The following KARS1 variants were observed in gnomAD, a reference collection of about 807,000 sequenced individuals.
KARS1 encodes the protein lysyl-tRNA synthetase 1, also known as lysine--tRNA ligase.
In KARS1, 50 loss-of-function variants were observed where a neutral mutation model predicts 63.9. The ratio of observed to expected loss-of-function variants is 0.78; its 90% confidence interval spans 0.62 to 0.99. The LOEUF is 0.99. Among genes scored for constraint, KARS1 ranks in the 50% least tolerant of loss-of-function variants. The pLI is 0.00. For synonymous variants in KARS1, 320 were observed against 264.6 expected (o/e 1.21, Z -2.03); for missense variants, 816 against 754.5 (o/e 1.08, Z -0.95).
intron 7 of KARS1, among the ~76,000 whole-genome samples, chr16:75,632,615 G>T (rs1453665793): frequency 6.6e-6 from 1 of 152,214 alleles, no homozygotes; most frequent in Non-Finnish European, 1.5e-5. Context: ...TGTGCCTAGT[G>T]CCAGGATTAT....
intron 5 of KARS1, 24 bp downstream of exon 5, chr16:75,635,888 A>G: frequency 1.2e-6 from 2 of 1,613,748 alleles, no homozygotes; most frequent in South Asian, 1.1e-5. Context: ...AGGAGGCCAC[A>G]GCTAGGAGGC....
At chr16:75,645,445 C>A (rs769739308) in intron 1 of KARS1, among the ~76,000 whole-genome samples, 1 of 152,176 alleles carries the variant, frequency 6.6e-6, no homozygotes, top group African/African-American at 2.4e-5. Context: ...GACAATAACT[C>A]CTCTTGCAAG....
Position 75,631,162 on chromosome 16 carries a change from T to C in KARS1, c.1338+6A>G. ...GGACATGTACAAGAAGGCAGGGCCTTCTCACCTTGTCAAGGAGCCTGGCTG... is the reference window on the plus strand; with the variant it reads ...GGACATGTACAAGAAGGCAGGGCCTCCTCACCTTGTCAAGGAGCCTGGCTG... On this transcript the variant is annotated splice_donor_region_variant and intron_variant, in intron 10 of 13. Coordinates refer to ENST00000302445, the MANE Select transcript of KARS1 (RefSeq NM_005548.3). 6.2e-7 allele frequency: 1 copy of C among 1,611,936 alleles called. No homozygotes were observed. Among genetic ancestry groups the C allele is most frequent in the Non-Finnish European group, 8.5e-7 (1 of 1,178,316 alleles).
Position 75,636,116 on chromosome 16 carries a change from GT to G in KARS1, c.483-19del. ...TATAATTTCTGAGTGAAAAAGAAAT[GT>G]AATTCAGTAACAACAATTCAAATGA... On this transcript the variant is annotated intron_variant, in intron 4 of 13. Transcript: ENST00000302445. 1 of 1,430,242 alleles carries G rather than the reference GT, an allele frequency of 7.0e-7. No homozygotes were observed. The highest frequency in any genetic ancestry group is 1.8e-4 in the Middle Eastern group (1 of 5,712). 88.6% of individuals were successfully genotyped at this position (1,430,242 alleles called of 1,614,324 possible).
intron 3 of KARS1, among the ~76,000 whole-genome samples, chr16:75,639,591 A>AT (rs1388456360): frequency 4.6e-5 from 7 of 151,448 alleles, no homozygotes; most frequent in African/African-American, 1.7e-4. Flanking sequence ...AAAAAAAAAA[A>AT]AGATTTTAGT....
Position 75,635,959 on chromosome 16 carries a change from GAGACA to G in KARS1, c.617_621del (p.Leu206ProfsTer31), listed in dbSNP as rs761020489. The G allele has an allele frequency of 6.2e-7, 1 of 1,614,168 alleles. No individual in the cohort carries two copies. Among genetic ancestry groups the G allele is most frequent in the East Asian group, 2.2e-5 (1 of 44,874 alleles). On this transcript the variant is annotated frameshift_variant, in exon 5 of 14. Transcript: ENST00000302445. LOFTEE classifies it high-confidence loss of function. The stretch of plus-strand genomic sequence containing the variant: ...AGATGAGGTAACATATGCAAACAGG[GAGACA>G]GCAGTGTGATCTCATACGGAATGAT...
intron 7 of KARS1, among the ~76,000 whole-genome samples, chr16:75,633,204 C>G (rs371624507): frequency 6.6e-6 from 1 of 152,182 alleles, no homozygotes; most frequent in Non-Finnish European, 1.5e-5. Context: ...TGCTCAGGGT[C>G]GGCCGCAATG....
chr16:75,635,720 G>A lies in KARS1; in HGVS notation c.755C>T (p.Thr252Ile). ...QKFIIRSKII[T>I]YIRSFLDELG... ...CTCATCTAAGAAACTTCTTATATAT[G>A]TGATGATCTTAGAGCGGATGATAAA... Residue 252 changes from threonine to isoleucine, a missense_variant, in exon 6 of 14, where the codon ACA becomes ATA. Coordinates refer to ENST00000302445, the MANE Select transcript of KARS1 (RefSeq NM_005548.3). 1.9e-6 allele frequency: 3 copies of A among 1,614,078 alleles called. No homozygotes were observed. The highest frequency in any genetic ancestry group is 2.5e-6 in the Non-Finnish European group (3 of 1,179,918).
At chr16:75,628,788 T>G in intron 12 of KARS1, 76 bp from the exon 13 acceptor site, 3 of 1,507,868 alleles carry the variant, frequency 2.0e-6, no homozygotes, top group Non-Finnish European at 2.8e-6. Context: ...GTTACCAGGC[T>G]CCGAGGTGGG....
Position 75,627,763 on chromosome 16 carries a change from T to C in KARS1, c.*132A>G. ...GATTAAAAAGAAATTTTTAATTCCTTGTCTCTCTTCTGATGGCTGAACAGA... is the reference window on the plus strand; with the variant it reads ...GATTAAAAAGAAATTTTTAATTCCTCGTCTCTCTTCTGATGGCTGAACAGA... On this transcript the variant is annotated 3_prime_UTR_variant, in exon 14 of 14. Transcript: ENST00000302445. 1.4e-6 allele frequency: 1 copy of C among 719,350 alleles called. No homozygotes were observed. The highest frequency in any genetic ancestry group is 1.5e-5 in the South Asian group (1 of 68,554). The allele number at this position is 719,350 out of a possible 1,614,324, so 44.6% of individuals were successfully genotyped here.
chr16:75,629,487 TTTC>T lies in KARS1; in HGVS notation c.1476_1478del (p.Lys493del). ...GCTCAGTATACGCATTGCATATCTC[TTTC>T]TTCATGACAAACAGCTCAAAGCGCT... On this transcript the variant is annotated inframe_deletion, in exon 12 of 14. Coordinates refer to ENST00000302445, the MANE Select transcript of KARS1 (RefSeq NM_005548.3). 6.2e-7 allele frequency: 1 copy of T among 1,614,224 alleles called. No homozygotes were observed. Among genetic ancestry groups the T allele is most frequent in the African/African-American group, 1.3e-5 (1 of 75,072 alleles).
chr16:75,641,382 G>T (rs1236756148), intron 2 of KARS1, among the ~76,000 whole-genome samples, 182 bp downstream of exon 2: 2 of 152,108 alleles, frequency 1.3e-5, no homozygotes, highest in Non-Finnish European at 2.9e-5. Context: ...CCTTTTGGGG[G>T]TTGACATAAA....
intron 3 of KARS1, 65 bp downstream of exon 3, chr16:75,640,119 G>T: frequency 1.4e-6 from 2 of 1,388,276 alleles, no homozygotes. Flanking sequence ...ACCTTCCCTT[G>T]TGCTACTGAA....
chr16:75,635,767 C>G lies in KARS1; in HGVS notation c.708G>C (p.Leu236=), dbSNP rs876657479. 1.8e-5 allele frequency: 29 copies of G among 1,614,024 alleles called. No homozygotes were observed. Among genetic ancestry groups the G allele is most frequent in the Non-Finnish European group, 2.4e-5 (28 of 1,180,012 alleles). ...TAAATTTCTGCCTCACAAAGTCATTCAGGATCAAGTCCAAGTATCTCTGGC... is the reference window on the plus strand; with the variant it reads ...TAAATTTCTGCCTCACAAAGTCATTGAGGATCAAGTCCAAGTATCTCTGGC... ...RYRQRYLDLI[L]NDFVRQKFII... is the part of the protein sequence containing the mutation. The change falls in exon 6 of 14, where the codon CTG becomes CTC. Residue 236 remains leucine (L), a synonymous_variant. Transcript: ENST00000302445.
intron 11 of KARS1, 27 bp downstream of exon 11, chr16:75,630,396 T>C: frequency 7.2e-7 from 1 of 1,393,836 alleles, no homozygotes; most frequent in Middle Eastern, 1.8e-4. Flanking sequence ...GGGGCTGTTA[T>C]GCAGCAATAG....
chr16:75,628,419 C>T (rs528801591), intron 13 of KARS1, 150 bp downstream of exon 13: 31 of 860,928 alleles, frequency 3.6e-5, no homozygotes, highest in South Asian at 2.2e-4. Context: ...GAGGCTCTGG[C>T]CCTCCTGTGA....
intron 1 of KARS1, chr16:75,647,375 C>G: frequency 1.5e-6 from 1 of 650,878 alleles, no homozygotes; most frequent in Non-Finnish European, 2.8e-6. Flanking sequence ...CCCGCCGGTG[C>G]CAGCTGGGAA....
Position 75,627,828 on chromosome 16 carries a change from T to C in KARS1, c.*67A>G. The C allele has an allele frequency of 1.1e-6, 1 of 893,368 alleles. No homozygotes were observed. 55.3% of individuals were successfully genotyped at this position (893,368 alleles called of 1,614,324 possible). A position where few individuals can be genotyped will look rare whatever the true frequency, so the allele number is the denominator to read the frequency against. ...TGGAAAGCAGCACACAAGAATTCCC[T>C]TGCAGACCTTGATCTTTCGCAGAAA... On this transcript the variant is annotated 3_prime_UTR_variant, in exon 14 of 14. Transcript: ENST00000302445.
intron 12 of KARS1, 149 bp downstream of exon 12, chr16:75,629,266 C>T (rs1178738278): frequency 3.3e-6 from 3 of 910,276 alleles, no homozygotes; most frequent in Admixed American, 3.7e-5. Context: ...ATGAAGTCAC[C>T]ATCTTGAAAT....
Sources: allele counts gnomAD v4.1 joint callset (sites outside exome capture counted in the v4.1 genomes callset), GRCh38; gene constraint gnomAD v4.1.1; transcripts MANE v1.5; gene names NCBI Gene and HGNC (gene_info 2026-07-23, HGNC 2026-07-21).